Variants in APBB1 observed in about 807,000 individuals in gnomAD.
APBB1 encodes adaptor protein FE65a2.
In APBB1, 22 loss-of-function variants were observed where a neutral mutation model predicts 78.4. The ratio of observed to expected loss-of-function variants is 0.28; its 90% CI spans 0.20 to 0.40. The LOEUF is 0.40. Among genes scored for constraint, APBB1 ranks in the 10% least tolerant of loss-of-function variants. The probability of loss-of-function intolerance (pLI) is 1.00; values close to 1 mark genes in which losing one functional copy is unlikely to be tolerated. For missense variants in APBB1, 749 were observed against 932.4 expected, an observed-to-expected ratio of 0.80 and a Z score of 2.56; for synonymous variants, 369 against 372.7, an observed-to-expected ratio of 0.99 and a Z score of 0.12.
At chr11:6,404,991 C>G in intron 2 of APBB1, 3 of 1,430,606 alleles carry the variant, frequency 2.1e-6, no homozygotes, top group South Asian at 1.5e-5. Flanking sequence ...GACCACCATG[C>G]TAGGGAATCT....
In APBB1 at chr11:6,395,639, G is replaced by A; in HGVS notation, c.2028C>T (p.Pro676=). The change falls in exon 15 of 15, where the codon CCC becomes CCT. Residue 676 remains proline (P), a synonymous_variant. Transcript: ENST00000609360. This position sits in a 1 kb window ranked among gnomAD's most constrained non-coding sequence, Gnocchi z 5.2. ...CACGCCGTGCCACAGACTCAGCAGG[G>A]GGTGCTGGGAGGCAGGAGGTGGAGG... ...SQASTSCLPA[P]PAESVARRVG... 6.3e-7 allele frequency: 1 copy of A among 1,596,584 alleles called. No individual in the cohort carries two copies. Among genetic ancestry groups the A allele is most frequent in the Non-Finnish European group, 8.5e-7 (1 of 1,170,186 alleles).
chr11:6,404,615 T>C (rs1564941228), intron 2 of APBB1: 17 of 1,536,286 alleles, frequency 1.1e-5, no homozygotes, highest in Non-Finnish European at 1.3e-5. Context: ...ACCTCGCATC[T>C]GTGTCATACA....
rs1030637494 is a variant in APBB1 at position 6,404,948 on chromosome 11, T to G, written c.722-1126A>C. The G allele has an allele frequency of 4.9e-5, 70 of 1,439,180 alleles. No individual in the cohort carries two copies. The African/African-American group carries it at 8.6e-4, about 18-fold the overall frequency. 89.2% of individuals were successfully genotyped at this position (1,439,180 alleles called of 1,614,324 possible). On this transcript the variant is annotated intron_variant, in intron 2 of 14. Coordinates refer to ENST00000609360, the MANE Select transcript of APBB1 (RefSeq NM_001164.5). ...GCAGAGCGTCTGCCAGGCAAGATCCTCCCCCGCTTGGAGCTTGCTAGGGAG... is the reference window on the plus strand; with the variant it reads ...GCAGAGCGTCTGCCAGGCAAGATCCGCCCCCGCTTGGAGCTTGCTAGGGAG...
intron 1 of APBB1, among the ~76,000 whole-genome samples, chr11:6,417,092 G>A (rs113902902): frequency 0.033 from 4,949 of 152,228 alleles, 118 homozygotes; most frequent in Non-Finnish European, 0.046. Flanking sequence ...TCAGTCTGGC[G>A]CCTGCCTTCC....
At position 6,418,842 on chromosome 11, in the gene APBB1, G is replaced by A. The variant is rs937730755; in HGVS notation, c.-15+143C>T. The A allele has an allele frequency of 6.9e-5, 25 of 363,898 alleles. No individual in the cohort carries two copies. In the East Asian group the frequency reaches 9.3e-4, roughly 14 times the overall value. The allele number at this position is 363,898 out of a possible 1,614,324, so 22.5% of individuals were successfully genotyped here. A position where few individuals can be genotyped will look rare whatever the true frequency, so the allele number is the denominator to read the frequency against. On this transcript the variant is annotated intron_variant, in intron 1 of 14. Coordinates refer to ENST00000609360, the MANE Select transcript of APBB1 (RefSeq NM_001164.5). ...GTATGAGAGGACGGTCTGCGGGCGC[G>A]CGGTGGAAGGGCGACCCGGGGATGG...
chr11:6,401,669 G>A lies in APBB1; in HGVS notation c.1408C>T (p.Arg470Cys), dbSNP rs763823283. 5.0e-6 allele frequency: 8 copies of A among 1,614,028 alleles called. No individual in the cohort carries two copies. Among genetic ancestry groups the A allele is most frequent in the Admixed American group, 1.7e-5 (1 of 60,002 alleles). The change falls in exon 10 of 15, where the codon CGT (arginine) becomes TGT (cysteine). Residue 470 changes from arginine (R) to cysteine (C), a missense_variant. Physicochemically the swap from Arg to Cys is radical, Grantham distance 180 (BLOSUM62 -3). Around this residue, in one of 3 missense-constraint regions of APBB1, gnomAD observed 635 missense variants for 765.0 expected, o/e 0.83. Transcript: ENST00000609360. This position sits in a 1 kb window ranked among gnomAD's most constrained non-coding sequence, Gnocchi z 4.5. ...GRERDFAYVA[R>C]DKLTQMLKCH... is the part of the protein sequence containing the mutation. ...TTGAGCATCTGGGTCAGCTTATCAC[G>A]AGCTACGTAGGCAAAGTCCCTGTTG...
upstream of APBB1, chr11:6,419,164 G>A: frequency 8.8e-6 from 3 of 340,324 alleles, no homozygotes; most frequent in East Asian, 4.5e-5. Context: ...TGGGGCGGGC[G>A]CGGGAGCGAG....
chr11:6,402,174 T>C lies in APBB1; in HGVS notation c.1290A>G (p.Thr430=), dbSNP rs1848556395. Residue 430 remains threonine, a synonymous_variant, in exon 8 of 15, where the codon ACA becomes ACG. Coordinates refer to ENST00000609360, the MANE Select transcript of APBB1 (RefSeq NM_001164.5). ...KDLLLQLEDE[T]LKLVEPQSQA... is the part of the protein sequence containing the mutation. ...GGCTCTGTGGCTCCACTAGCTTTAG[T>C]GTCTCATCCTCCAGCTGCAGTAGCA... is the stretch of plus-strand genomic sequence containing the variant. The C allele has an allele frequency of 6.2e-7, 1 of 1,613,914 alleles. No individual in the cohort carries two copies. Among genetic ancestry groups the C allele is most frequent in the African/African-American group, 1.3e-5 (1 of 74,900 alleles).
chr11:6,418,749 C>G (rs989323885), intron 1 of APBB1, among the ~76,000 whole-genome samples: 4 of 152,152 alleles, frequency 2.6e-5, no homozygotes, highest in African/African-American at 9.7e-5. Flanking sequence ...CTAGTCACCC[C>G]GAGGGGCAGG....
At chr11:6,404,055 C>A in intron 2 of APBB1, 1 of 449,332 alleles carries the variant, frequency 2.2e-6, no homozygotes. Context: ...CTAATGTGGC[C>A]ACACTGTGGA....
In APBB1 at chr11:6,396,213, C is replaced by T; in HGVS notation, c.1675G>A (p.Val559Ile). Residue 559 changes from valine (V) to isoleucine (I), a missense_variant and splice_region_variant, in exon 13 of 15, where the codon GTA becomes ATA. Val to Ile is a conservative substitution (Grantham distance 29, BLOSUM62 3). Transcript: ENST00000609360. ...TCGAGGGCCCCATTAATCACATCTA[C>T]CCCTAGAACATATGGACACAAGATA... ...GNVPVAKPVGVDVINGALESV... is the reference protein window; with the variant it reads ...GNVPVAKPVGIDVINGALESV... 6.4e-7 allele frequency: 1 copy of T among 1,550,608 alleles called. No homozygotes were observed. Among genetic ancestry groups the T allele is most frequent in the Non-Finnish European group, 8.7e-7 (1 of 1,146,516 alleles).
Position 6,401,007 on chromosome 11 carries a change from G to T in APBB1, c.1654C>A (p.Pro552Thr), listed in dbSNP as rs979700045. The T allele has an allele frequency of 6.8e-6, 11 of 1,614,002 alleles. No individual in the cohort carries two copies. The highest frequency in any genetic ancestry group is 9.3e-6 in the Non-Finnish European group (11 of 1,180,012). Reference sequence around the variant, plus strand: ...CACATACCAACAGGTTTAGCAACAGGTACATTCCCCAGGTAATAGACTTGG... The same window carrying T: ...CACATACCAACAGGTTTAGCAACAGTTACATTCCCCAGGTAATAGACTTGG... ...KFQVYYLGNV[P>T]VAKPVGVDVI... The change falls in exon 12 of 15, where the codon CCT becomes ACT. Residue 552 changes from proline (P) to threonine (T), a missense_variant. Physicochemically the swap from Pro to Thr is conservative, Grantham distance 38 (BLOSUM62 -1). Transcript: ENST00000609360. The surrounding 1 kb of genome is among the most constrained non-coding windows in gnomAD (Gnocchi z 4.5).
chr11:6,401,261 C>A lies in APBB1; in HGVS notation c.1588+84G>T, dbSNP rs978883727. 6.2e-7 allele frequency: 1 copy of A among 1,612,516 alleles called. No individual in the cohort carries two copies. Among genetic ancestry groups the A allele is most frequent in the South Asian group, 1.1e-5 (1 of 90,838 alleles). ...TCATGTGTTCATTTTTCTATCAGCG[C>A]TGTCCAGGAGCTCATGCCTTTCCTT... On this transcript the variant is annotated intron_variant, in intron 11 of 14. Coordinates refer to ENST00000609360, the MANE Select transcript of APBB1 (RefSeq NM_001164.5). This position sits in a 1 kb window ranked among gnomAD's most constrained non-coding sequence, Gnocchi z 4.5.
chr11:6,405,482 A>C lies in APBB1; in HGVS notation c.722-1660T>G, dbSNP rs115540285. The C allele has an allele frequency of 7.4e-4, 735 of 986,648 alleles. 7 individuals carry two copies. The African/African-American group carries it at 0.012, about 16-fold the overall frequency. 61.1% of individuals were successfully genotyped at this position (986,648 alleles called of 1,614,324 possible). A position where few individuals can be genotyped will look rare whatever the true frequency, so the allele number is the denominator to read the frequency against. On this transcript the variant is annotated intron_variant, in intron 2 of 14. Transcript: ENST00000609360. ...GACTGCTGACGTGCTTCCCGTTACC[A>C]GGGAAACCAGGAATCCTGACTGGTC...
chr11:6,403,957 CTG>C lies in APBB1; in HGVS notation c.722-137_722-136del. On this transcript the variant is annotated intron_variant, in intron 2 of 14. Transcript: ENST00000609360. The surrounding 1 kb of genome is among the most constrained non-coding windows in gnomAD (Gnocchi z 5.3). ...CTATACCACAACACAGTTCCTGCTTCTGCCTAGAGCCTATAGTCTGGAGTCAC... is the reference window on the plus strand; with the variant it reads ...CTATACCACAACACAGTTCCTGCTTCCCTAGAGCCTATAGTCTGGAGTCAC... 1 of 968,490 alleles carries C rather than the reference CTG, an allele frequency of 1.0e-6. No individual in the cohort carries two copies. The highest frequency in any genetic ancestry group is 1.5e-6 in the Non-Finnish European group (1 of 677,916). The allele number at this position is 968,490 out of a possible 1,614,324, so 60.0% of individuals were successfully genotyped here.
Position 6,410,996 on chromosome 11 carries a change from A to G in APBB1, c.352T>C (p.Ser118Pro), listed in dbSNP as rs1848949364. 6.2e-6 allele frequency: 10 copies of G among 1,614,164 alleles called. No individual in the cohort carries two copies. The East Asian group carries it at 2.2e-4, about 36-fold the overall frequency. The stretch of plus-strand genomic sequence containing the variant: ...TTGTGAGCTGAGAGCTCCAGCTCAG[A>G]GTACAGGTGTATCAGGCCTTTGGGG... ...LGPKGLIHLY[S>P]ELELSAHNAA... The change falls in exon 2 of 15, where the codon TCT (serine) becomes CCT (proline). Residue 118 changes from serine to proline, a missense_variant. Coordinates refer to ENST00000609360, the MANE Select transcript of APBB1 (RefSeq NM_001164.5).
In APBB1 at chr11:6,401,977, C is replaced by T; in HGVS notation, c.1388G>A (p.Arg463Lys). 1 of 1,566,514 alleles carries T rather than the reference C, an allele frequency of 6.4e-7. No individual in the cohort carries two copies. The highest frequency in any genetic ancestry group is 8.7e-7 in the Non-Finnish European group (1 of 1,155,856). ...WGVGRDSGRE[R>K]DFAYVARDKL... ...AGGAGGGGGAAAATAGGCATAGTAC[C>T]TCTCTCTGGGTCCAGCAGCACAAGA... Residue 463 changes from arginine (R) to lysine (K), a missense_variant and splice_region_variant, in exon 9 of 15, where the codon AGG becomes AAG. Coordinates refer to ENST00000609360, the MANE Select transcript of APBB1 (RefSeq NM_001164.5). The surrounding 1 kb of genome is among the most constrained non-coding windows in gnomAD (Gnocchi z 4.5).
At chr11:6,396,056 C>A in intron 13 of APBB1, 44 bp downstream of exon 13, 5 of 1,601,352 alleles carry the variant, frequency 3.1e-6, no homozygotes, top group Middle Eastern at 1.7e-4. Flanking sequence ...CCAGTCTCCC[C>A]TCTATGGCAA....
In APBB1 at chr11:6,404,795, A is replaced by G. The variant is rs541216236; in HGVS notation, c.722-973T>C. The G allele has an allele frequency of 1.1e-5, 17 of 1,536,120 alleles. No individual in the cohort carries two copies. In the Admixed American group the frequency reaches 2.5e-4, roughly 23 times the overall value. On this transcript the variant is annotated intron_variant, in intron 2 of 14. Coordinates refer to ENST00000609360, the MANE Select transcript of APBB1 (RefSeq NM_001164.5). ...GGCCAGGAAAAAGTCCTGGGAGAAC[A>G]TGGCGCTCATTCCCGGCCCCTCCTG...
Sources: gnomAD v4.1 joint callset for allele counts (sites outside exome capture counted in the v4.1 genomes callset) on GRCh38, gnomAD v4.1.1 for gene constraint, gnomAD v4.1.1 regional missense constraint, Gnocchi (gnomAD v3.1) non-coding constraint, MANE v1.5 for transcripts, NCBI Gene and HGNC (gene_info 2026-07-23, HGNC 2026-07-21) for gene names.